Variants in ZBTB7C observed in about 807,000 individuals in gnomAD.
ZBTB7C encodes zinc finger and BTB domain-containing protein 7C.
Under a neutral mutation model 25.7 loss-of-function variants are expected in ZBTB7C, and 8 were observed. That is an observed-to-expected ratio of 0.31 (90% CI 0.18 to 0.56). The LOEUF (loss-of-function observed/expected upper bound fraction) is 0.56, where lower values mean the gene tolerates loss of function less well. Among genes scored for constraint, ZBTB7C ranks in the 20% least tolerant of loss-of-function variants. ZBTB7C has a pLI of 0.91. For synonymous variants in ZBTB7C, 394 were observed against 369.0 expected (o/e 1.07, Z -0.78); for missense variants, 824 against 855.2 (o/e 0.96, Z 0.46).
At chr18:48,189,122 G>C (rs1384619802) in intron 2 of ZBTB7C, among the ~76,000 whole-genome samples, 7 of 152,206 alleles carry the variant, frequency 4.6e-5, no homozygotes, top group Admixed American at 4.6e-4. Flanking sequence ...TCCTTTCTCA[G>C]GGAATTCTAA....
intron 1 of ZBTB7C, among the ~76,000 whole-genome samples, chr18:48,370,687 G>A (rs541065215): frequency 6.6e-6 from 1 of 151,960 alleles, no homozygotes; most frequent in East Asian, 1.9e-4. Flanking sequence ...AAGATGTGTC[G>A]ATCAAGGTAA....
intron 1 of ZBTB7C, among the ~76,000 whole-genome samples, chr18:48,385,309 T>G (rs1176813236): frequency 1.3e-5 from 2 of 152,242 alleles, no homozygotes; most frequent in Non-Finnish European, 2.9e-5. Context: ...AGTATTTTTA[T>G]AGGCCACAAA....
rs544957297 is a variant in ZBTB7C at position 48,122,063 on chromosome 18, C to T, written c.-17+63871G>A. Reference sequence around the variant, plus strand: ...CTGGGGAGGAGGTGCCAGGCTCCTGCAGCCGAGCCAGCTGAGCTTGGAGCC... The same window carrying T: ...CTGGGGAGGAGGTGCCAGGCTCCTGTAGCCGAGCCAGCTGAGCTTGGAGCC... On this transcript the variant is annotated intron_variant, in intron 3 of 4. Coordinates refer to ENST00000590800, the MANE Select transcript of ZBTB7C (RefSeq NM_001318841.2). Among the ~76,000 whole-genome samples, 18 of 152,278 alleles carry T rather than the reference C, an allele frequency of 1.2e-4. No individual in the cohort carries two copies. In the South Asian group the frequency reaches 3.7e-3, roughly 32 times the overall value.
At position 48,108,736 on chromosome 18, in the gene ZBTB7C, G is replaced by A. The variant is rs566520636; in HGVS notation, c.-16-67613C>T. ...CAGGCATGAGCCATTCTGCTTGGCT[G>A]GCACTGTTTTTCTAAGCCATGTTTA... On this transcript the variant is annotated intron_variant, in intron 3 of 4. Transcript: ENST00000590800. Among the ~76,000 whole-genome samples, 3 of 152,144 alleles carry A rather than the reference G, an allele frequency of 2.0e-5. No homozygotes were observed. The East Asian group carries it at 5.8e-4, about 29-fold the overall frequency.
chr18:48,396,681 G>A (rs770068002), intron 1 of ZBTB7C, among the ~76,000 whole-genome samples: 4 of 152,264 alleles, frequency 2.6e-5, no homozygotes, highest in Admixed American at 2.0e-4. Flanking sequence ...CAGCCTAATC[G>A]TTACACAAGA....
intron 2 of ZBTB7C, among the ~76,000 whole-genome samples, chr18:48,301,722 G>A (rs2144743485): frequency 6.6e-6 from 1 of 152,274 alleles, no homozygotes; most frequent in South Asian, 2.1e-4. Flanking sequence ...GAGAGGCATT[G>A]GGGGTTCTCT....
intron 2 of ZBTB7C, among the ~76,000 whole-genome samples, chr18:48,300,653 G>A (rs2045521348): frequency 6.6e-6 from 1 of 152,090 alleles, no homozygotes; most frequent in African/African-American, 2.4e-5. Flanking sequence ...GGAAATGAAT[G>A]GCAAAAAAAA....
intron 2 of ZBTB7C, among the ~76,000 whole-genome samples, chr18:48,294,755 C>G (rs2045340289): frequency 6.6e-6 from 1 of 151,970 alleles, no homozygotes. Context: ...TCCAGCTGAT[C>G]TCATGCAGCC....
chr18:48,128,377 C>CT (rs2039875740), intron 3 of ZBTB7C, among the ~76,000 whole-genome samples: 1 of 152,242 alleles, frequency 6.6e-6, no homozygotes, highest in South Asian at 2.1e-4. Context: ...CCTGACTTTG[C>CT]TTTTTCCTTA....
rs1033410011 is a variant in ZBTB7C, at chr18:48,027,814, G to A, written c.*1446C>T. On this transcript the variant is annotated 3_prime_UTR_variant, in exon 5 of 5. Coordinates refer to ENST00000590800, the MANE Select transcript of ZBTB7C (RefSeq NM_001318841.2). ...TCAGAAACCAAAGCAAACTTGGCAA[G>A]AAAAGAGAGGGGAGGGAAGGAGAGA... 6.6e-6 allele frequency: 1 copy of A among 152,304 alleles called. No homozygotes were observed. The highest frequency in any genetic ancestry group is 1.5e-5 in the Non-Finnish European group (1 of 68,110). The allele number at this position is 152,304 out of a possible 1,614,324, so 9.4% of individuals were successfully genotyped here. A position where few individuals can be genotyped will look rare whatever the true frequency, so the allele number is the denominator to read the frequency against.
At chr18:48,341,908 C>A (rs2144977442) in intron 1 of ZBTB7C, among the ~76,000 whole-genome samples, 1 of 152,314 alleles carries the variant, frequency 6.6e-6, no homozygotes, top group Non-Finnish European at 1.5e-5. Context: ...GGGCCTCCCT[C>A]CAAGGCCTCA....
intron 3 of ZBTB7C, among the ~76,000 whole-genome samples, chr18:48,047,532 G>A (rs980526547): frequency 6.6e-5 from 10 of 152,270 alleles, no homozygotes; most frequent in East Asian, 3.9e-4. Context: ...GAATGCAGGC[G>A]GGTTGAAACC....
At position 48,141,608 on chromosome 18, in the gene ZBTB7C, A is replaced by G. The variant is rs150244928; in HGVS notation, c.-17+44326T>C. ...TAATCTCATCACACTAGGTAGGCTAATATTTATGGTGTCACGGTGGCGTGG... is the reference window on the plus strand; with the variant it reads ...TAATCTCATCACACTAGGTAGGCTAGTATTTATGGTGTCACGGTGGCGTGG... On this transcript the variant is annotated intron_variant, in intron 3 of 4. Coordinates refer to ENST00000590800, the MANE Select transcript of ZBTB7C (RefSeq NM_001318841.2). Among the ~76,000 whole-genome samples, 27 of 152,316 alleles carry G rather than the reference A, an allele frequency of 1.8e-4. No homozygotes were observed. The East Asian group carries it at 5.2e-3, about 29-fold the overall frequency.
chr18:48,079,522 C>G (rs929076497), intron 3 of ZBTB7C, among the ~76,000 whole-genome samples: 5 of 152,146 alleles, frequency 3.3e-5, no homozygotes, highest in African/African-American at 1.2e-4. Flanking sequence ...GCAGTGGGAT[C>G]GTGGGGTACT....
At chr18:48,119,796 T>A (rs949247599) in intron 3 of ZBTB7C, among the ~76,000 whole-genome samples, 4 of 152,066 alleles carry the variant, frequency 2.6e-5, no homozygotes, top group Non-Finnish European at 5.9e-5. Flanking sequence ...CATACCAACA[T>A]AAATAACAAT....
chr18:48,114,501 T>C (rs1042176510), intron 3 of ZBTB7C, among the ~76,000 whole-genome samples: 3 of 152,032 alleles, frequency 2.0e-5, no homozygotes, highest in African/African-American at 7.3e-5. Context: ...CTCGGGAGGC[T>C]GAGGCAGAAG....
In ZBTB7C at chr18:48,298,075, T is replaced by C. The variant is rs571830821; in HGVS notation, c.-79+40099A>G. Among the ~76,000 whole-genome samples, 93 of 152,148 alleles carry C rather than the reference T, an allele frequency of 6.1e-4. 1 individual carries two copies. Among genetic ancestry groups the C allele is most frequent in the Non-Finnish European group, 1.0e-4 (7 of 68,006 alleles). ...GCAGGTGGATCACAAGGTCAGGAGT[T>C]TGAGACCAGCCTGGCCAGCATGGTG... On this transcript the variant is annotated intron_variant, in intron 2 of 4. Transcript: ENST00000590800.
At chr18:48,387,961 G>A (rs2047790024) in intron 1 of ZBTB7C, among the ~76,000 whole-genome samples, 1 of 152,050 alleles carries the variant, frequency 6.6e-6, no homozygotes, top group Admixed American at 6.6e-5. Context: ...AGAGTACCTT[G>A]GATTACAGAC....
chr18:48,214,696 AT>A (rs1430679816), intron 2 of ZBTB7C, among the ~76,000 whole-genome samples: 1 of 152,112 alleles, frequency 6.6e-6, no homozygotes, highest in African/African-American at 2.4e-5. Context: ...TCGCTCTTGA[AT>A]TTCTTCCTGC....
Sources: gnomAD v4.1 joint callset for allele counts (sites outside exome capture counted in the v4.1 genomes callset) on GRCh38, gnomAD v4.1.1 for gene constraint, MANE v1.5 for transcripts, NCBI Gene and HGNC (gene_info 2026-07-23, HGNC 2026-07-21) for gene names.